The following RASSF9 variants were observed in gnomAD, a reference collection of about 807,000 sequenced individuals.
RASSF9 encodes ras association domain-containing protein 9.
In RASSF9, 18 loss-of-function variants were observed where a neutral mutation model predicts 21.4. That is an observed-to-expected ratio of 0.84 (90% CI 0.58 to 1.25). The LOEUF (loss-of-function observed/expected upper bound fraction) is 1.25. Among genes scored for constraint, RASSF9 ranks in the 50% most tolerant of loss-of-function variants. The pLI is 0.00. For synonymous variants in RASSF9, 183 were observed against 179.1 expected, an observed-to-expected ratio of 1.02 and a Z score of -0.18; for missense variants, 480 against 503.2, an observed-to-expected ratio of 0.95 and a Z score of 0.44.
rs1301548725 is a variant in RASSF9, at chr12:85,802,214, TTACACTTTC to T, written c.*2479_*2487del. ...TTTAACATTTCTATAGATAATAACA[TTACACTTTC>T]TATCAAGTTCTATACTTATAATTCC... On this transcript the variant is annotated 3_prime_UTR_variant, in exon 2 of 2. Transcript: ENST00000361228. The T allele has an allele frequency of 1.3e-5, 2 of 152,202 alleles. No individual in the cohort carries two copies. Among genetic ancestry groups the T allele is most frequent in the African/African-American group, 4.8e-5 (2 of 41,448 alleles). 9.4% of individuals were successfully genotyped at this position (152,202 alleles called of 1,614,324 possible).
chr12:85,808,897 T>C (rs1291543553), intron 1 of RASSF9, among the ~76,000 whole-genome samples: 2 of 152,134 alleles, frequency 1.3e-5, no homozygotes, highest in Admixed American at 1.3e-4. Flanking sequence ...AGGACAAATT[T>C]GTTTTATGTT....
At chr12:85,824,411 C>T (rs1398384346) in intron 1 of RASSF9, among the ~76,000 whole-genome samples, 1 of 152,118 alleles carries the variant, frequency 6.6e-6, no homozygotes, top group Non-Finnish European at 1.5e-5. Flanking sequence ...ATATTCATCA[C>T]CCCTACCACA....
At chr12:85,812,060 C>G (rs1879966068) in intron 1 of RASSF9, among the ~76,000 whole-genome samples, 1 of 151,680 alleles carries the variant, frequency 6.6e-6, no homozygotes, top group Non-Finnish European at 1.5e-5. Flanking sequence ...TTAGTCATAT[C>G]TAAACTATGA....
intron 1 of RASSF9, among the ~76,000 whole-genome samples, chr12:85,807,495 A>T (rs992940419): frequency 6.6e-6 from 1 of 152,042 alleles, no homozygotes; most frequent in African/African-American, 2.4e-5. Flanking sequence ...GGACTGGAAA[A>T]TAGAAAAAAA....
intron 1 of RASSF9, among the ~76,000 whole-genome samples, chr12:85,814,204 T>G (rs1478845672): frequency 2.6e-5 from 4 of 152,092 alleles, no homozygotes; most frequent in Non-Finnish European, 5.9e-5. Flanking sequence ...TTATTACCAT[T>G]GTTTATTCTC....
chr12:85,805,776 G>A lies in RASSF9; in HGVS notation c.234C>T (p.Cys78=), dbSNP rs1231500965. Residue 78 remains cysteine, a synonymous_variant, in exon 2 of 2, where the codon TGC becomes TGT. Coordinates refer to ENST00000361228, the MANE Select transcript of RASSF9 (RefSeq NM_005447.4). ...CGGAGCCTCTCCACTTCTCTATGAT[G>A]CAGTAATCACTGGGCTTCCCCAGAA... ...RFLLGKPSDY[C]IIEKWRGSER... 10 of 1,613,868 alleles carry A rather than the reference G, an allele frequency of 6.2e-6. No individual in the cohort carries two copies. The East Asian group carries it at 2.0e-4, about 32-fold the overall frequency.
rs369886202 is a variant in RASSF9 at position 85,805,180 on chromosome 12, C to T, written c.830G>A (p.Arg277Gln). The T allele has an allele frequency of 4.0e-5, 64 of 1,613,684 alleles. No homozygotes were observed. Among genetic ancestry groups the T allele is most frequent in the Non-Finnish European group, 5.1e-5 (60 of 1,179,890 alleles). ...AGCAGAGAGCTTATCAATGAGTATT[C>T]GGTAATATTTCAGTCGTTCTTCCAG... ...EQLEERLKYYRILIDKLSAEI... is the reference protein window; with the variant it reads ...EQLEERLKYYQILIDKLSAEI... The change falls in exon 2 of 2, where the codon CGA becomes CAA. Residue 277 changes from arginine to glutamine, a missense_variant. By Grantham distance (43) the Arg-to-Gln change is conservative. Coordinates refer to ENST00000361228, the MANE Select transcript of RASSF9 (RefSeq NM_005447.4).
rs938109531 is a variant in RASSF9 at position 85,803,197 on chromosome 12, G to C, written c.*1505C>G. 6.6e-6 allele frequency: 1 copy of C among 151,942 alleles called. No individual in the cohort carries two copies. The highest frequency in any genetic ancestry group is 2.4e-5 in the African/African-American group (1 of 41,390). 9.4% of individuals were successfully genotyped at this position (151,942 alleles called of 1,614,324 possible). A position where few individuals can be genotyped will look rare whatever the true frequency, so the allele number is the denominator to read the frequency against. ...AAAAATTAAATACTTTTCAAATTTT[G>C]AAAGTAAAACAATAAGAAAACTGAG... On this transcript the variant is annotated 3_prime_UTR_variant, in exon 2 of 2. Transcript: ENST00000361228.
intron 1 of RASSF9, among the ~76,000 whole-genome samples, chr12:85,811,571 AC>A (rs750049962): frequency 6.6e-6 from 1 of 151,928 alleles, no homozygotes; most frequent in Non-Finnish European, 1.5e-5. Flanking sequence ...TATCACACTC[AC>A]AATTTATGCC....
Position 85,836,214 on chromosome 12 carries a change from A to T in RASSF9, c.-13T>A, listed in dbSNP as rs1330551510. On this transcript the variant is annotated 5_prime_UTR_variant, in exon 1 of 2. Transcript: ENST00000361228. ...CAAAGGGAGCCATGGTCTGTCGGGC[A>T]AACGAATAAAGAAATTATCTTAAAG... 1 of 1,550,606 alleles carries T rather than the reference A, an allele frequency of 6.4e-7. No homozygotes were observed. The highest frequency in any genetic ancestry group is 2.0e-5 in the Admixed American group (1 of 50,890).
chr12:85,805,428 G>A lies in RASSF9; in HGVS notation c.582C>T (p.Asp194=). The change falls in exon 2 of 2, where the codon GAC becomes GAT. Residue 194 remains aspartate (D), a synonymous_variant. Coordinates refer to ENST00000361228, the MANE Select transcript of RASSF9 (RefSeq NM_005447.4). ...TCTTGACTTGCTGATGAATAGTATG[G>A]TCCTGGGAAATGATCAGATGAACTA... The part of the protein sequence containing the change: ...ETLVHLIISQ[D]HTIHQQVKRM... The A allele has an allele frequency of 6.2e-7, 1 of 1,613,824 alleles. No homozygotes were observed. The highest frequency in any genetic ancestry group is 1.1e-5 in the South Asian group (1 of 91,066).
intron 1 of RASSF9, among the ~76,000 whole-genome samples, chr12:85,822,000 C>A (rs868708248): frequency 2.6e-4 from 40 of 152,112 alleles, no homozygotes; most frequent in Middle Eastern, 6.8e-3. Context: ...TTCGGGTGTA[C>A]CTGCACCTGG....
intron 1 of RASSF9, among the ~76,000 whole-genome samples, chr12:85,824,627 A>G (rs1336331216): frequency 6.6e-6 from 1 of 151,880 alleles, no homozygotes; most frequent in African/African-American, 2.4e-5. Context: ...TCTTTATCCC[A>G]CTATCTCTTG....
In RASSF9 at chr12:85,836,300, G is replaced by A. The variant is rs775141572; in HGVS notation, c.-99C>T. 5.4e-4 allele frequency: 826 copies of A among 1,538,884 alleles called. No individual in the cohort carries two copies. The highest frequency in any genetic ancestry group is 6.5e-4 in the Non-Finnish European group (745 of 1,140,840). ...CAGGGTGAAGGGAGGAGGGCTGGAA[G>A]CTTTCTCTTCTCCTCGGATGTTCCT... On this transcript the variant is annotated 5_prime_UTR_variant, in exon 1 of 2. Coordinates refer to ENST00000361228, the MANE Select transcript of RASSF9 (RefSeq NM_005447.4).
chr12:85,818,300 T>G (rs530890343), intron 1 of RASSF9, among the ~76,000 whole-genome samples: 3 of 152,324 alleles, frequency 2.0e-5, no homozygotes, highest in South Asian at 4.1e-4. Flanking sequence ...ATTAGAAAAC[T>G]GAGGCACAAG....
intron 1 of RASSF9, among the ~76,000 whole-genome samples, chr12:85,833,476 CCTGT>C (rs1013910988): frequency 8.6e-5 from 13 of 151,802 alleles, no homozygotes; most frequent in African/African-American, 2.7e-4. Flanking sequence ...TTAATTGCAT[CCTGT>C]CTGTCTCTAA....
At chr12:85,829,441 A>G (rs1175569439) in intron 1 of RASSF9, among the ~76,000 whole-genome samples, 1 of 152,174 alleles carries the variant, frequency 6.6e-6, no homozygotes, top group African/African-American at 2.4e-5. Context: ...AATACACAAA[A>G]TTATTTTAAA....
chr12:85,804,915 A>G lies in RASSF9; in HGVS notation c.1095T>C (p.Asn365=). The change falls in exon 2 of 2, where the codon AAT becomes AAC. Residue 365 remains asparagine (N), a synonymous_variant. Coordinates refer to ENST00000361228, the MANE Select transcript of RASSF9 (RefSeq NM_005447.4). ...CATCTTTGTTGCTAATGTGAAGTGA[A>G]TTGAATTCCTTGGCCAGGAGTTCAT... ...KEYELLAKEF[N]SLHISNKDGC... is the part of the protein sequence containing the mutation. 1.2e-6 allele frequency: 2 copies of G among 1,613,796 alleles called. No homozygotes were observed. The highest frequency in any genetic ancestry group is 1.7e-6 in the Non-Finnish European group (2 of 1,179,700).
rs776513278 is a variant in RASSF9 at position 85,804,975 on chromosome 12, G to C, written c.1035C>G (p.Tyr345Ter). The C allele has an allele frequency of 6.2e-7, 1 of 1,613,828 alleles. No homozygotes were observed. Among genetic ancestry groups the C allele is most frequent in the South Asian group, 1.1e-5 (1 of 91,074 alleles). ...CTTTCATCTGAAGCAATGAGTCACT[G>C]TATTTAATCTCTTTCTGGATGCCAC... ...HLSGIQKEIK[Y>*]SDSLLQMKAK... Residue 345 changes from tyrosine (Y) to a stop codon, truncating the protein, a stop_gained, in exon 2 of 2, where the codon TAC becomes TAG. Coordinates refer to ENST00000361228, the MANE Select transcript of RASSF9 (RefSeq NM_005447.4). LOFTEE classifies it high-confidence loss of function.
Sources: gnomAD v4.1 joint callset for allele counts (sites outside exome capture counted in the v4.1 genomes callset) on GRCh38, gnomAD v4.1.1 for gene constraint, MANE v1.5 for transcripts, NCBI Gene and HGNC (gene_info 2026-07-23, HGNC 2026-07-21) for gene names.